NFIB: variants seen among roughly 807,000 people sequenced by gnomAD.
The protein encoded by NFIB is nuclear factor 1 B-type.
In NFIB, 11 loss-of-function variants were observed where a neutral mutation model predicts 61.5. The observed-to-expected ratio is 0.18, with a 90% confidence interval of 0.11 to 0.30. The LOEUF (loss-of-function observed/expected upper bound fraction) is 0.30, where lower values mean the gene tolerates loss of function less well. Ranked by LOEUF, NFIB falls within the 10% of genes least tolerant of loss-of-function variation. NFIB has a pLI of 1.00. For missense variants in NFIB, 471 were observed against 608.9 expected (o/e 0.77, Z 2.38); for synonymous variants, 260 against 216.5 (o/e 1.20, Z -1.76).
At chr9:14,458,482 C>T in the NFIB span, among the ~76,000 whole-genome samples, 1 of 152,322 alleles carries the variant, frequency 6.6e-6, no homozygotes, top group East Asian at 1.9e-4. Context: ...TCTCTCACCA[C>T]TCCTATTCAA....
At chr9:14,401,139 A>C (rs1221521425), upstream of NFIB, among the ~76,000 whole-genome samples, 1 of 152,250 alleles carries the variant, frequency 6.6e-6, no homozygotes, top group African/African-American at 2.4e-5. Context: ...GTCTTTATCA[A>C]AAGGCTCATT....
chr9:14,292,812 T>C (rs1383002060), intron 2 of NFIB, among the ~76,000 whole-genome samples: 1 of 152,248 alleles, frequency 6.6e-6, no homozygotes, highest in African/African-American at 2.4e-5. Context: ...AATTTTTCTT[T>C]TTTTAATGTA....
chr9:14,403,024 T>C (rs779263822), upstream of NFIB, among the ~76,000 whole-genome samples: 32 of 152,330 alleles, frequency 2.1e-4, no homozygotes, highest in Non-Finnish European at 3.8e-4. Flanking sequence ...GACTGGAGCA[T>C]CCAGGCTAAT....
At chr9:14,416,598 ATG>A in the NFIB span, among the ~76,000 whole-genome samples, 2 of 152,128 alleles carry the variant, frequency 1.3e-5, no homozygotes, top group African/African-American at 4.8e-5. Context: ...CAGCTGTACA[ATG>A]TGTGTTTTAA....
chr9:14,246,525 G>C (rs1026668103), intron 2 of NFIB, among the ~76,000 whole-genome samples: 4 of 152,162 alleles, frequency 2.6e-5, no homozygotes, highest in African/African-American at 4.8e-5. Flanking sequence ...CAGTCCCTTT[G>C]TTGATAGCTC....
upstream of NFIB, among the ~76,000 whole-genome samples, chr9:14,315,874 G>A (rs1302008522): frequency 1.3e-5 from 2 of 151,834 alleles, no homozygotes; most frequent in Non-Finnish European, 2.9e-5. Flanking sequence ...ACCTAGCTGG[G>A]GGATCCGGGG....
chr9:14,361,757 C>G (rs1384203377), intron 1 of NFIB: 1 of 152,018 alleles, frequency 6.6e-6, no homozygotes, highest in Non-Finnish European at 1.5e-5. Flanking sequence ...CCATTTTTTT[C>G]TTAGCCCTGT....
chr9:14,160,550 C>T (rs745561569), intron 3 of NFIB, among the ~76,000 whole-genome samples: 5 of 152,106 alleles, frequency 3.3e-5, no homozygotes, highest in Non-Finnish European at 7.4e-5. Flanking sequence ...GTTCCAGGAG[C>T]TGTTTTTTGG....
intron 2 of NFIB, among the ~76,000 whole-genome samples, chr9:14,250,945 A>G (rs1563944864): frequency 6.6e-6 from 1 of 152,226 alleles, no homozygotes; most frequent in Admixed American, 6.5e-5. Context: ...AATGAAATCC[A>G]TGGGTATGTG....
chr9:14,513,072 T>G, the NFIB span, among the ~76,000 whole-genome samples: 1 of 152,150 alleles, frequency 6.6e-6, no homozygotes, highest in African/African-American at 2.4e-5. Context: ...TTATTCCATC[T>G]AAATTTTTAA....
At chr9:14,530,905 GA>G in the NFIB span, among the ~76,000 whole-genome samples, 29 of 149,252 alleles carry the variant, frequency 1.9e-4, no homozygotes, top group African/African-American at 4.2e-4. Context: ...GCAAAAAGAA[GA>G]AAAAAAAAGA....
rs556619108 is a variant in NFIB at position 14,162,036 on chromosome 9, TAATAA to T, written c.617-6148_617-6144del. Reference sequence around the variant, plus strand: ...GTTACAACTTTCATTTATTTCATTTTAATAAAATGGACTCATTTCAGATATATGAG... The same window carrying T: ...GTTACAACTTTCATTTATTTCATTTTAATGGACTCATTTCAGATATATGAG... On this transcript the variant is annotated intron_variant, in intron 3 of 10. Coordinates refer to ENST00000380953, the MANE Select transcript of NFIB (RefSeq NM_001190737.2). Among the ~76,000 whole-genome samples, 166 of 152,290 alleles carry T rather than the reference TAATAA, an allele frequency of 1.1e-3. 3 individuals are homozygous for T. The highest frequency in any genetic ancestry group is 3.8e-3 in the African/African-American group (156 of 41,574).
chr9:14,518,901 G>A, the NFIB span, among the ~76,000 whole-genome samples: 1 of 152,226 alleles, frequency 6.6e-6, no homozygotes, highest in East Asian at 1.9e-4. Context: ...TGGGAGATGG[G>A]GGATTCCCAC....
the NFIB span, among the ~76,000 whole-genome samples, chr9:14,445,032 CATGAT>C: frequency 6.6e-6 from 1 of 152,138 alleles, no homozygotes; most frequent in Admixed American, 6.5e-5. Context: ...TTTCTATACT[CATGAT>C]ATGTTTGTGA....
chr9:14,166,432 C>G (rs2044797418), intron 3 of NFIB, among the ~76,000 whole-genome samples: 1 of 152,172 alleles, frequency 6.6e-6, no homozygotes, highest in Non-Finnish European at 1.5e-5. Context: ...CTCCCACTGT[C>G]TCCTGTTATT....
At chr9:14,290,173 A>C (rs572369639) in intron 2 of NFIB, among the ~76,000 whole-genome samples, 1 of 152,122 alleles carries the variant, frequency 6.6e-6, no homozygotes, top group Non-Finnish European at 1.5e-5. Context: ...ACAAATATTG[A>C]AACAGGCATT....
chr9:14,507,882 G>A, the NFIB span, among the ~76,000 whole-genome samples: 1 of 151,796 alleles, frequency 6.6e-6, no homozygotes. Flanking sequence ...ATAGACAGGT[G>A]ACAAAATTTT....
At chr9:14,449,972 T>TA in the NFIB span, among the ~76,000 whole-genome samples, 1 of 151,802 alleles carries the variant, frequency 6.6e-6, no homozygotes, top group African/African-American at 2.4e-5. Context: ...AAATTTTTTT[T>TA]AAAAAAAATT....
chr9:14,231,133 AAAATATAT>A (rs1283184214), intron 2 of NFIB, among the ~76,000 whole-genome samples: 1,478 of 67,098 alleles, frequency 0.022, 16 homozygotes, highest in East Asian at 0.045. Flanking sequence ...AAAAAAAAAA[AAAATATAT>A]ATATATATAT....
Sources: gnomAD v4.1 joint callset for allele counts (sites outside exome capture counted in the v4.1 genomes callset) on GRCh38, gnomAD v4.1.1 for gene constraint, MANE v1.5 for transcripts, NCBI Gene and HGNC (gene_info 2026-07-23, HGNC 2026-07-21) for gene names.